Variants in KCNK2 observed in about 807,000 individuals in gnomAD.
The protein encoded by KCNK2 is potassium channel subfamily K member 2.
KCNK2 carries 21 observed loss-of-function variants against 40.5 expected under a neutral mutation model. The ratio of observed to expected loss-of-function variants is 0.52; its 90% CI spans 0.37 to 0.75. The LOEUF (loss-of-function observed/expected upper bound fraction) is 0.75, where lower values mean the gene tolerates loss of function less well. Among genes scored for constraint, KCNK2 ranks in the 30% least tolerant of loss-of-function variants. The pLI, the probability that KCNK2 is intolerant of heterozygous loss-of-function variation, is 0.00. For synonymous variants in KCNK2, 191 were observed against 202.2 expected (o/e 0.94, Z 0.47); for missense variants, 399 against 531.6 (o/e 0.75, Z 2.45).
At chr1:215,076,454 T>A (rs1189596517) in intron 1 of KCNK2, among the ~76,000 whole-genome samples, 2 of 152,184 alleles carry the variant, frequency 1.3e-5, no homozygotes, top group African/African-American at 4.8e-5. Flanking sequence ...CAGGCTTGAC[T>A]GGAGAAGGAC....
intron 3 of KCNK2, among the ~76,000 whole-genome samples, chr1:215,156,126 G>A (rs752343710): frequency 5.3e-5 from 8 of 151,866 alleles, no homozygotes; most frequent in Admixed American, 1.3e-4. Flanking sequence ...CACTCACGGA[G>A]CTCAAATTTG....
intron 6 of KCNK2, among the ~76,000 whole-genome samples, chr1:215,205,000 G>A (rs1366561570): frequency 6.6e-6 from 1 of 152,072 alleles, no homozygotes; most frequent in Non-Finnish European, 1.5e-5. Context: ...GTGTATACAT[G>A]TATATGTGTG....
upstream of KCNK2, among the ~76,000 whole-genome samples, chr1:215,078,548 T>A (rs1659036450): frequency 6.6e-6 from 1 of 152,098 alleles, no homozygotes; most frequent in South Asian, 2.1e-4. Flanking sequence ...CCATCAGATC[T>A]CATGAAACTA....
At chr1:215,206,534 C>CATTA (rs1665320367) in intron 6 of KCNK2, among the ~76,000 whole-genome samples, 1 of 152,102 alleles carries the variant, frequency 6.6e-6, no homozygotes, top group Non-Finnish European at 1.5e-5. Context: ...TTTCTTTATT[C>CATTA]ATTAGTTAAC....
intron 3 of KCNK2, among the ~76,000 whole-genome samples, chr1:215,166,904 G>A (rs1663471287): frequency 6.6e-6 from 1 of 151,874 alleles, no homozygotes; most frequent in African/African-American, 2.4e-5. Context: ...GTTACTACGT[G>A]GTTCAACACT....
intron 2 of KCNK2, among the ~76,000 whole-genome samples, chr1:215,093,335 TAAATATACATATATATA>T (rs1659773952): frequency 7.0e-6 from 1 of 142,794 alleles, no homozygotes; most frequent in Non-Finnish European, 1.5e-5. Flanking sequence ...ATACATATAT[TAAATATACATATATATA>T]AAATATACAT....
rs1665896032 is a variant in KCNK2, at chr1:215,214,924, A to G, written c.963+19832A>G. On this transcript the variant is annotated intron_variant, in intron 6 of 6. Transcript: ENST00000444842. ...AACTGGTAGTTTGAAGGTATTTTAA[A>G]ACTAGAGAAAAATGAACTGGTTAAT... Among the ~76,000 whole-genome samples, 4 of 152,222 alleles carry G rather than the reference A, an allele frequency of 2.6e-5. No homozygotes were observed. In the South Asian group the frequency reaches 8.3e-4, roughly 31 times the overall value.
intron 1 of KCNK2, among the ~76,000 whole-genome samples, chr1:215,007,037 ATGTGTGTGTGTG>A (rs1214318973): frequency 7.2e-4 from 37 of 51,508 alleles, no homozygotes; most frequent in African/African-American, 1.1e-3. Flanking sequence ...ATATATATAT[ATGTGTGTGTGTG>A]TATATATATA....
chr1:215,108,418 G>C (rs1660534248), intron 2 of KCNK2, among the ~76,000 whole-genome samples: 1 of 152,198 alleles, frequency 6.6e-6, no homozygotes, highest in South Asian at 2.1e-4. Context: ...GATACTGAGA[G>C]ACAATTGTAT....
chr1:215,185,345 A>G (rs538864675), intron 5 of KCNK2, among the ~76,000 whole-genome samples: 2 of 152,088 alleles, frequency 1.3e-5, no homozygotes, highest in South Asian at 4.1e-4. Context: ...CTAGTACTGT[A>G]ATCTTTACAT....
chr1:215,077,399 C>T (rs1170534796), intron 1 of KCNK2, among the ~76,000 whole-genome samples: 1 of 152,166 alleles, frequency 6.6e-6, no homozygotes, highest in Non-Finnish European at 1.5e-5. Context: ...CCCTGTTGAT[C>T]TACTGGCAAC....
chr1:215,193,816 A>C (rs935326297), intron 5 of KCNK2, among the ~76,000 whole-genome samples: 1 of 152,126 alleles, frequency 6.6e-6, no homozygotes, highest in African/African-American at 2.4e-5. Flanking sequence ...TCTCTCTTCT[A>C]CTTATCTGCT....
intron 1 of KCNK2, among the ~76,000 whole-genome samples, chr1:215,073,879 G>C (rs1282502154): frequency 6.6e-6 from 1 of 152,182 alleles, no homozygotes; most frequent in African/African-American, 2.4e-5. Flanking sequence ...TGACAGGACA[G>C]GATGTTTATG....
At chr1:215,074,195 C>T (rs1480371379) in intron 1 of KCNK2, among the ~76,000 whole-genome samples, 4 of 152,104 alleles carry the variant, frequency 2.6e-5, no homozygotes, top group African/African-American at 9.7e-5. Flanking sequence ...TCTTCTAGAA[C>T]GAAATGCCCC....
At chr1:215,145,827 A>C (rs1313821766) in intron 3 of KCNK2, among the ~76,000 whole-genome samples, 1 of 152,154 alleles carries the variant, frequency 6.6e-6, no homozygotes, top group African/African-American at 2.4e-5. Flanking sequence ...AGGAAAACTT[A>C]AGTTACTCAA....
chr1:215,168,652 G>A (rs1053258456), intron 3 of KCNK2, among the ~76,000 whole-genome samples: 1 of 152,134 alleles, frequency 6.6e-6, no homozygotes, highest in Non-Finnish European at 1.5e-5. Flanking sequence ...GAGTTGAACA[G>A]TGAGAACACA....
chr1:215,063,143 CG>C (rs1200158102), intron 1 of KCNK2, among the ~76,000 whole-genome samples: 1 of 152,008 alleles, frequency 6.6e-6, no homozygotes, highest in Non-Finnish European at 1.5e-5. Flanking sequence ...TTTGTGGGAA[CG>C]GTAAGCAATA....
intron 6 of KCNK2, among the ~76,000 whole-genome samples, chr1:215,202,633 T>G (rs998044000): frequency 1.3e-5 from 2 of 152,130 alleles, no homozygotes; most frequent in African/African-American, 4.8e-5. Context: ...TAAGTCAAAA[T>G]GTATACTAAA....
chr1:215,037,002 C>CTTTTTT lies in KCNK2; in HGVS notation c.34+31057_34+31062dup, dbSNP rs3033912. On this transcript the variant is annotated intron_variant, in intron 1 of 6. Transcript: ENST00000391895. ...TTTTCATTCTTAATGCCTTTTATTC[C>CTTTTTT]TTTTTTTTTTTTTTTGCCTTATTGT... is the stretch of plus-strand genomic sequence containing the variant. 1.1e-3 allele frequency among the ~76,000 whole-genome samples: 144 copies of CTTTTTT among 125,832 alleles called. 1 individual carries two copies. The highest frequency in any genetic ancestry group is 4.2e-3 in the African/African-American group (139 of 33,350). The allele number at this position is 125,832 out of a possible 152,430, so 82.6% of individuals were successfully genotyped here.
Sources: gnomAD v4.1 joint callset for allele counts (sites outside exome capture counted in the v4.1 genomes callset) on GRCh38, gnomAD v4.1.1 for gene constraint, MANE v1.5 for transcripts, NCBI Gene and HGNC (gene_info 2026-07-23, HGNC 2026-07-21) for gene names.